The following RHPN2 variants were observed in gnomAD, a reference collection of about 807,000 sequenced individuals.
RHPN2 encodes the protein rhophilin-2.
A neutral mutation model predicts 79.0 loss-of-function variants in RHPN2; 40 were observed. The observed-to-expected ratio is 0.51, with a 90% CI of 0.39 to 0.66. The LOEUF is 0.66. Among genes scored for constraint, RHPN2 ranks in the 30% least tolerant of loss-of-function variants. RHPN2 has a pLI of 0.00. For missense variants in RHPN2, 686 were observed against 883.5 expected, an observed-to-expected ratio of 0.78 and a Z score of 2.83; for synonymous variants, 285 against 363.5, an observed-to-expected ratio of 0.78 and a Z score of 2.46.
intron 14 of RHPN2, among the ~76,000 whole-genome samples, chr19:32,989,864 G>C (rs537772549): frequency 6.6e-6 from 1 of 152,294 alleles, no homozygotes; most frequent in South Asian, 2.1e-4. Context: ...CAGCACTCTG[G>C]GAGGCCGAGG....
intron 7 of RHPN2, among the ~76,000 whole-genome samples, chr19:33,004,025 T>G (rs1971771580): frequency 2.6e-5 from 4 of 152,094 alleles, no homozygotes; most frequent in Admixed American, 2.6e-4. Flanking sequence ...AAATATATAC[T>G]TTTTAAAAAT....
At chr19:33,009,113 G>T (rs1025062876) in intron 6 of RHPN2, among the ~76,000 whole-genome samples, 1 of 151,674 alleles carries the variant, frequency 6.6e-6, no homozygotes, top group Non-Finnish European at 1.5e-5. Context: ...TAGGGGGAGG[G>T]AGGGAGGGGG....
At position 32,985,147 on chromosome 19, in the gene RHPN2, C is replaced by T. The variant is rs1443294640; in HGVS notation, c.1801-4891G>A. Among the ~76,000 whole-genome samples, 8 of 152,008 alleles carry T rather than the reference C, an allele frequency of 5.3e-5. No homozygotes were observed. The East Asian group carries it at 7.8e-4, about 15-fold the overall frequency. ...CCAAGTAGCTGGGATTACAGGCGCC[C>T]GCCACCACCACGCCCAGGGTTTTGC... On this transcript the variant is annotated intron_variant, in intron 14 of 14. Transcript: ENST00000254260.
chr19:32,997,184 T>A (rs1490243860), intron 10 of RHPN2, among the ~76,000 whole-genome samples: 1 of 151,918 alleles, frequency 6.6e-6, no homozygotes, highest in Admixed American at 6.6e-5. Context: ...CAGGCGTGAG[T>A]CACCGCGCCC....
intron 10 of RHPN2, among the ~76,000 whole-genome samples, chr19:32,998,121 AG>A (rs1356021277): frequency 6.6e-6 from 1 of 152,194 alleles, no homozygotes; most frequent in East Asian, 1.9e-4. Context: ...CGCTATGAGC[AG>A]GGCAAGCCAC....
At chr19:33,022,201 G>A (rs1971930274) in intron 3 of RHPN2, among the ~76,000 whole-genome samples, 1 of 152,142 alleles carries the variant, frequency 6.6e-6, no homozygotes. Context: ...GCCCACCTTG[G>A]CCTCCCAATG....
intron 6 of RHPN2, among the ~76,000 whole-genome samples, chr19:33,011,309 C>T (rs1971833476): frequency 6.6e-6 from 1 of 152,164 alleles, no homozygotes; most frequent in African/African-American, 2.4e-5. Flanking sequence ...TTCTCTCTCT[C>T]TCTCACTCAC....
chr19:33,034,129 A>AT (rs1246616425), intron 2 of RHPN2, among the ~76,000 whole-genome samples: 3 of 147,400 alleles, frequency 2.0e-5, no homozygotes, highest in Admixed American at 2.0e-4. Context: ...AAGTGCTAGG[A>AT]TTATAGGTGT....
intron 4 of RHPN2, among the ~76,000 whole-genome samples, chr19:33,019,964 G>T (rs548062534): frequency 1.0e-3 from 158 of 152,204 alleles, no homozygotes; most frequent in African/African-American, 3.7e-3. Context: ...GAGTTGAAGA[G>T]GGAAGGAAGA....
intron 6 of RHPN2, among the ~76,000 whole-genome samples, 196 bp downstream of exon 6, chr19:33,011,483 C>A (rs974921939): frequency 6.6e-6 from 1 of 152,148 alleles, no homozygotes; most frequent in Non-Finnish European, 1.5e-5. Flanking sequence ...TCTGTTGGAG[C>A]CATCTCCCCT....
At chr19:33,009,806 T>C (rs559709635) in intron 6 of RHPN2, among the ~76,000 whole-genome samples, 1 of 151,312 alleles carries the variant, frequency 6.6e-6, no homozygotes, top group East Asian at 1.9e-4. Flanking sequence ...TGAGACAGAG[T>C]TTTGCTCTTT....
chr19:32,990,202 A>T (rs1446374202), intron 14 of RHPN2, among the ~76,000 whole-genome samples: 1 of 144,304 alleles, frequency 6.9e-6, no homozygotes, highest in Non-Finnish European at 1.5e-5. Flanking sequence ...CTATAATTCC[A>T]GCTGCTCGTG....
intron 5 of RHPN2, 86 bp from the exon 6 acceptor site, chr19:33,011,889 A>C: frequency 2.6e-6 from 4 of 1,567,230 alleles, no homozygotes; most frequent in Non-Finnish European, 3.5e-6. Context: ...ACATACCAGC[A>C]GGTGCCTGTA....
chr19:32,989,460 C>T (rs186336405), intron 14 of RHPN2, among the ~76,000 whole-genome samples: 4 of 152,276 alleles, frequency 2.6e-5, no homozygotes, highest in Admixed American at 2.6e-4. Flanking sequence ...TGAAGACACT[C>T]AAATGCTTCC....
chr19:33,007,525 T>TAAATAAAG (rs1228202196), intron 7 of RHPN2, among the ~76,000 whole-genome samples: 4 of 137,216 alleles, frequency 2.9e-5, no homozygotes, highest in African/African-American at 8.4e-5. Context: ...AATAAATAAA[T>TAAATAAAG]AAAGGCACGG....
Position 32,999,692 on chromosome 19 carries a change from C to G in RHPN2, c.1119G>C (p.Thr373=), listed in dbSNP as rs1485518185. 1 of 1,612,328 alleles carries G rather than the reference C, an allele frequency of 6.2e-7. No individual in the cohort carries two copies. Among genetic ancestry groups the G allele is most frequent in the East Asian group, 2.2e-5 (1 of 44,806 alleles). ...LLIDHQVKPG[T]DLDHQEKCLS... is the part of the protein sequence containing the mutation. ...GGCACTTCTCCTGGTGGTCCAGATC[C>G]GTGCCTGGCTTCACTGCAAAGAGAA... Residue 373 remains threonine, a synonymous_variant, in exon 10 of 15, where the codon ACG becomes ACC. Transcript: ENST00000254260.
chr19:33,049,699 T>C (rs1972171733), intron 1 of RHPN2, among the ~76,000 whole-genome samples: 1 of 152,044 alleles, frequency 6.6e-6, no homozygotes, highest in Non-Finnish European at 1.5e-5. Flanking sequence ...CCCCGTGTCA[T>C]CACCAGCTTT....
At chr19:33,019,962 GA>G (rs1486724352) in intron 4 of RHPN2, among the ~76,000 whole-genome samples, 1 of 152,120 alleles carries the variant, frequency 6.6e-6, no homozygotes, top group African/African-American at 2.4e-5. Flanking sequence ...TGGAGTTGAA[GA>G]GGGAAGGAAG....
chr19:33,018,818 G>A (rs1161100054), intron 4 of RHPN2, among the ~76,000 whole-genome samples: 1 of 151,940 alleles, frequency 6.6e-6, no homozygotes, highest in South Asian at 2.1e-4. Context: ...GCCGAGGCGG[G>A]TGGATCGAGT....
Sources: allele counts gnomAD v4.1 joint callset (sites outside exome capture counted in the v4.1 genomes callset), GRCh38; gene constraint gnomAD v4.1.1; transcripts MANE v1.5; gene names NCBI Gene and HGNC (gene_info 2026-07-23, HGNC 2026-07-21).